Variants in ATM observed in about 807,000 individuals in gnomAD.
ATM encodes the protein serine-protein kinase ATM.
A neutral mutation model predicts 387.0 loss-of-function variants in ATM; 308 were observed. The observed-to-expected ratio is 0.80, with a 90% CI of 0.73 to 0.87. The LOEUF is 0.87. ATM is among the 40% of genes least tolerant of loss of function. The probability of loss-of-function intolerance (pLI) is 0.00; values close to 1 mark genes in which losing one functional copy is unlikely to be tolerated. For synonymous variants in ATM, 1,156 were observed against 1,187.3 expected (o/e 0.97, Z 0.54); for missense variants, 3,312 against 3,560.9 (o/e 0.93, Z 1.78).
intron 13 of ATM, 146 bp downstream of exon 13, chr11:108,254,185 G>C: frequency 1.5e-6 from 1 of 679,362 alleles, no homozygotes; most frequent in Admixed American, 2.7e-5. Context: ...GCTCTAAATT[G>C]GACAACTTAG....
Position 108,241,460 on chromosome 11 carries a change from G to GT in ATM, c.497-2485dup, listed in dbSNP as rs1384331559. 2.6e-5 allele frequency among the ~76,000 whole-genome samples: 4 copies of GT among 151,830 alleles called. No homozygotes were observed. In the East Asian group the frequency reaches 5.8e-4, roughly 22 times the overall value. On this transcript the variant is annotated intron_variant, in intron 5 of 62. Transcript: ENST00000675843. ...TTTTATATGACTGGCAGTGCAGTGG[G>GT]TTTTTTTTACACAAGTATCACCACA...
Position 108,227,600 on chromosome 11 carries a change from G to T in ATM, c.-25G>T, listed in dbSNP as rs1422476659. 1.9e-6 allele frequency: 3 copies of T among 1,603,516 alleles called. No individual in the cohort carries two copies. Among genetic ancestry groups the T allele is most frequent in the Non-Finnish European group, 2.6e-6 (3 of 1,170,824 alleles). On this transcript the variant is annotated 5_prime_UTR_variant, in exon 2 of 63. Coordinates refer to ENST00000675843, the MANE Select transcript of ATM (RefSeq NM_000051.4). ...TATATGTATTTTTTTTACAGACAGT[G>T]ATGTGTGTTCTGAAATTGTGAACCA...
chr11:108,346,759 C>T (rs987584382), intron 58 of ATM, among the ~76,000 whole-genome samples: 10 of 152,048 alleles, frequency 6.6e-5, no homozygotes, highest in African/African-American at 1.9e-4. Flanking sequence ...CCCATTAGTG[C>T]ATGTCATCAT....
chr11:108,266,025 C>T (rs2135490314), intron 16 of ATM, among the ~76,000 whole-genome samples: 1 of 152,150 alleles, frequency 6.6e-6, no homozygotes, highest in South Asian at 2.1e-4. Flanking sequence ...AATCCTTTTA[C>T]ACTGTTGGTG....
chr11:108,268,194 G>C (rs1408122072), intron 17 of ATM, among the ~76,000 whole-genome samples: 1 of 151,826 alleles, frequency 6.6e-6, no homozygotes, highest in African/African-American at 2.4e-5. Flanking sequence ...ATTTGTCTAA[G>C]GGTTTTTTTT....
intron 18 of ATM, 38 bp downstream of exon 18, chr11:108,268,647 C>G (rs2135528455): frequency 1.9e-6 from 3 of 1,581,584 alleles, no homozygotes; most frequent in Non-Finnish European, 2.6e-6. Flanking sequence ...TGGATTTTAT[C>G]TGATGTTGCT....
chr11:108,235,113 A>T (rs1591472404), intron 4 of ATM, among the ~76,000 whole-genome samples: 1 of 152,094 alleles, frequency 6.6e-6, no homozygotes, highest in Admixed American at 6.6e-5. Flanking sequence ...CCTGGTCAAC[A>T]TGGTGAAACC....
intron 48 of ATM, among the ~76,000 whole-genome samples, chr11:108,328,436 C>T (rs1357443118): frequency 4.6e-5 from 7 of 151,882 alleles, no homozygotes; most frequent in South Asian, 2.1e-4. Context: ...TTAGTAGAGA[C>T]GGTTTCGCCA....
At chr11:108,273,632 A>G in intron 22 of ATM, among the ~76,000 whole-genome samples, 1 of 152,050 alleles carries the variant, frequency 6.6e-6, no homozygotes, top group East Asian at 1.9e-4. Flanking sequence ...GTGAGCCTTT[A>G]ATCATGTAGT....
At chr11:108,227,485 A>G (rs1377022915) in intron 1 of ATM, 110 bp from the exon 2 acceptor site, 10 of 687,286 alleles carry the variant, frequency 1.5e-5, no homozygotes, top group Non-Finnish European at 7.6e-6. Context: ...AAATCTAACT[A>G]TAAATACTGC....
At position 108,297,364 on chromosome 11, in the gene ATM, G is replaced by A. The variant is rs1346404008; in HGVS notation, c.4987G>A (p.Gly1663Ser). The A allele has an allele frequency of 6.2e-7, 1 of 1,613,878 alleles. No individual in the cohort carries two copies. Among genetic ancestry groups the A allele is most frequent in the African/African-American group, 1.3e-5 (1 of 75,028 alleles). ...QLSKMAINHT[G>S]EKEVLEAVGS... ...ATCCAAGATGGCAATAAACCACACT[G>A]GTGAAAAAGAAGTTCTAGGTAAACT... is the stretch of plus-strand genomic sequence containing the variant. Residue 1663 changes from glycine (G) to serine (S), a missense_variant, in exon 33 of 63, where the codon GGT becomes AGT. Physicochemically the swap from Gly to Ser is moderately conservative, Grantham distance 56. Coordinates refer to ENST00000675843, the MANE Select transcript of ATM (RefSeq NM_000051.4).
At chr11:108,246,879 C>T (rs767438726) in intron 7 of ATM, 85 bp from the exon 8 acceptor site, 224 of 1,148,542 alleles carry the variant, frequency 2.0e-4, no homozygotes, top group Non-Finnish European at 2.7e-4. Context: ...GCTGATGCAG[C>T]TTGACAGCTG....
chr11:108,233,783 G>T (rs2079135633), intron 4 of ATM, among the ~76,000 whole-genome samples: 1 of 151,906 alleles, frequency 6.6e-6, no homozygotes. Flanking sequence ...GGAGGTCAAG[G>T]CTGCAGTGAG....
intron 26 of ATM, 153 bp from the exon 27 acceptor site, chr11:108,287,447 A>AT: frequency 1.9e-6 from 1 of 539,978 alleles, no homozygotes; most frequent in Non-Finnish European, 3.2e-6. Flanking sequence ...AGGTAGAGTT[A>AT]TTTATAATCT....
intron 4 of ATM, among the ~76,000 whole-genome samples, chr11:108,234,000 T>C (rs1325324704): frequency 1.3e-5 from 2 of 152,244 alleles, no homozygotes; most frequent in Non-Finnish European, 2.9e-5. Flanking sequence ...CAAATTAATT[T>C]TTATTGAGCA....
intron 4 of ATM, among the ~76,000 whole-genome samples, chr11:108,231,311 T>C (rs1432755218): frequency 3.3e-5 from 5 of 152,138 alleles, no homozygotes; most frequent in Non-Finnish European, 5.9e-5. Context: ...GCTTTACACA[T>C]ACTGAAAAGC....
At chr11:108,325,213 T>C in intron 45 of ATM, 97 bp from the exon 46 acceptor site, 1 of 830,030 alleles carries the variant, frequency 1.2e-6, no homozygotes, top group East Asian at 2.6e-5. Context: ...CTTTGTATTA[T>C]TATAATATTA....
chr11:108,237,048 A>G (rs776081209), intron 5 of ATM, among the ~76,000 whole-genome samples: 2 of 152,094 alleles, frequency 1.3e-5, no homozygotes, highest in Non-Finnish European at 2.9e-5. Context: ...CATATTCTTT[A>G]TTGCCATTTT....
chr11:108,227,745 T>C, intron 2 of ATM, 31 bp from the exon 3 acceptor site: 1 of 1,611,534 alleles, frequency 6.2e-7, no homozygotes, highest in Non-Finnish European at 8.5e-7. Context: ...GTGTGATTAG[T>C]AACCCATTAT....
Sources: allele counts gnomAD v4.1 joint callset (sites outside exome capture counted in the v4.1 genomes callset), GRCh38; gene constraint gnomAD v4.1.1; transcripts MANE v1.5; gene names NCBI Gene and HGNC (gene_info 2026-07-23, HGNC 2026-07-21).